ZXDC: variants seen among roughly 807,000 people sequenced by gnomAD.
The protein encoded by ZXDC is zinc finger protein ZXDC.
In ZXDC, 58 loss-of-function variants were observed where a neutral mutation model predicts 63.6. That is an observed-to-expected ratio of 0.91 (90% CI 0.74 to 1.13). ZXDC has a LOEUF of 1.13. ZXDC is among the 50% of genes most tolerant of loss of function. The pLI is 0.00. For missense variants in ZXDC, 1,133 were observed against 1,148.9 expected (o/e 0.99, Z 0.20); for synonymous variants, 561 against 496.1 (o/e 1.13, Z -1.74).
At chr3:126,441,328 G>A (rs2107626111) in intron 8 of ZXDC, 1 of 1,003,240 alleles carries the variant, frequency 1.0e-6, no homozygotes, top group Non-Finnish European at 1.2e-6. Context: ...GGCTGCTAGT[G>A]CGCCACAAGC....
At position 126,439,525 on chromosome 3, in the gene ZXDC, G is replaced by A. The variant is rs960830551; in HGVS notation, c.2490+107C>T. ...GCAACCAACCCACTGAGCCTCCCAA[G>A]CCACGCGGCCTCAGTGACCAGCCTG... is the stretch of plus-strand genomic sequence containing the variant. On this transcript the variant is annotated intron_variant, in intron 9 of 9. Coordinates refer to ENST00000389709, the MANE Select transcript of ZXDC (RefSeq NM_025112.5). 3 of 1,540,330 alleles carry A rather than the reference G, an allele frequency of 1.9e-6. No homozygotes were observed. The African/African-American group carries it at 4.1e-5, about 21-fold the overall frequency.
intron 1 of ZXDC, among the ~76,000 whole-genome samples, chr3:126,474,214 G>A (rs975146281): frequency 7.2e-5 from 11 of 152,006 alleles, no homozygotes; most frequent in African/African-American, 2.2e-4. Flanking sequence ...ACAGGCGCCC[G>A]CTACCACGCC....
At chr3:126,441,154 T>G (rs1213564711) in intron 8 of ZXDC, 1 of 985,476 alleles carries the variant, frequency 1.0e-6, no homozygotes, top group Non-Finnish European at 1.2e-6. Context: ...TCAGGGCTGC[T>G]GAAGCAGGTG....
At chr3:126,452,141 C>A in intron 7 of ZXDC, 2 of 985,390 alleles carry the variant, frequency 2.0e-6, no homozygotes, top group Non-Finnish European at 2.4e-6. Context: ...TGCGCTGGAT[C>A]CTGGGCTCCT....
At chr3:126,460,609 C>T in intron 6 of ZXDC, 1 of 985,394 alleles carries the variant, frequency 1.0e-6, no homozygotes, top group Non-Finnish European at 1.2e-6. Context: ...CACCTCCCAT[C>T]CCTGCCCAGT....
intron 1 of ZXDC, among the ~76,000 whole-genome samples, chr3:126,474,121 G>C (rs1935086233): frequency 6.8e-6 from 1 of 147,384 alleles, no homozygotes; most frequent in South Asian, 2.1e-4. Context: ...CTGGAATGCA[G>C]TGGCGCGATC....
intron 7 of ZXDC, chr3:126,451,102 A>G: frequency 1.0e-6 from 1 of 985,272 alleles, no homozygotes; most frequent in Non-Finnish European, 1.2e-6. Flanking sequence ...CAGGAGGAAC[A>G]GTGCTCTATT....
intron 9 of ZXDC, 131 bp downstream of exon 9, chr3:126,439,501 C>A: frequency 6.8e-7 from 1 of 1,479,676 alleles, no homozygotes. Context: ...GACATCCTGG[C>A]AACCAACCCA....
rs138239295 is a variant in ZXDC at position 126,470,086 on chromosome 3, C to A, written c.1270+809G>T. 3.3e-5 allele frequency among the ~76,000 whole-genome samples: 5 copies of A among 152,296 alleles called. No homozygotes were observed. The East Asian group carries it at 9.7e-4, about 29-fold the overall frequency. On this transcript the variant is annotated intron_variant, in intron 4 of 9. Coordinates refer to ENST00000389709, the MANE Select transcript of ZXDC (RefSeq NM_025112.5). ...AGAACTAGAGTAGGGCCAGCACGCACAAGTCACGCACAGGTCACGCAGCCA... is the reference window on the plus strand; with the variant it reads ...AGAACTAGAGTAGGGCCAGCACGCAAAAGTCACGCACAGGTCACGCAGCCA...
intron 8 of ZXDC, chr3:126,440,872 C>T (rs1933648575): frequency 1.8e-5 from 18 of 985,648 alleles, no homozygotes; most frequent in Non-Finnish European, 2.2e-5. Flanking sequence ...GTCCTGTTTC[C>T]TTGGCGAGAC....
chr3:126,468,730 C>T (rs1045206171), intron 4 of ZXDC, among the ~76,000 whole-genome samples: 1 of 152,190 alleles, frequency 6.6e-6, no homozygotes, highest in Non-Finnish European at 1.5e-5. Flanking sequence ...GAGTGACCCA[C>T]GGAACCTCAT....
intron 7 of ZXDC, among the ~76,000 whole-genome samples, chr3:126,455,417 A>G (rs1007478429): frequency 6.6e-6 from 1 of 152,198 alleles, no homozygotes; most frequent in African/African-American, 2.4e-5. Flanking sequence ...CCCAGTAACA[A>G]TAAGTCCACC....
At chr3:126,453,996 CAT>C (rs905928741) in intron 7 of ZXDC, 2,228 of 833,088 alleles carry the variant, frequency 2.7e-3, no homozygotes, top group Non-Finnish European at 2.9e-3. Flanking sequence ...TACATATAGG[CAT>C]ATATATATAT....
At chr3:126,451,910 A>T (rs1576670075) in intron 7 of ZXDC, 1 of 985,424 alleles carries the variant, frequency 1.0e-6, no homozygotes, top group Non-Finnish European at 1.2e-6. Context: ...GCGTGAACAG[A>T]GTTACTGCAT....
At chr3:126,463,108 G>T (rs1365774850) in intron 5 of ZXDC, among the ~76,000 whole-genome samples, 1 of 150,938 alleles carries the variant, frequency 6.6e-6, no homozygotes, top group South Asian at 2.1e-4. Context: ...TCGCTCTGTC[G>T]CCCAGGCTGG....
At chr3:126,461,088 T>C in intron 6 of ZXDC, 3 of 985,946 alleles carry the variant, frequency 3.0e-6, no homozygotes, top group Non-Finnish European at 3.6e-6. Context: ...CACCCTTTTT[T>C]TTTTTCTTGT....
At chr3:126,466,032 G>T in intron 5 of ZXDC, 123 bp downstream of exon 5, 1 of 1,188,308 alleles carries the variant, frequency 8.4e-7, no homozygotes, top group Non-Finnish European at 1.2e-6. Flanking sequence ...TGGCTTGGCA[G>T]CCACGCCCAC....
chr3:126,472,542 A>T (rs1202531404), intron 1 of ZXDC, among the ~76,000 whole-genome samples: 1 of 152,198 alleles, frequency 6.6e-6, no homozygotes, highest in South Asian at 2.1e-4. Flanking sequence ...TGACTTGGAG[A>T]TGGAGCAACC....
chr3:126,463,784 C>T (rs1934647268), intron 5 of ZXDC, among the ~76,000 whole-genome samples: 1 of 152,198 alleles, frequency 6.6e-6, no homozygotes, highest in Admixed American at 6.5e-5. Flanking sequence ...CTCATACCTG[C>T]AGGCTGTGAA....
Sources: allele counts gnomAD v4.1 joint callset (sites outside exome capture counted in the v4.1 genomes callset), GRCh38; gene constraint gnomAD v4.1.1; transcripts MANE v1.5; gene names NCBI Gene and HGNC (gene_info 2026-07-23, HGNC 2026-07-21).